Variants in ITGAV observed in about 807,000 individuals in gnomAD.
ITGAV encodes the protein integrin subunit alpha V, also known as integrin alpha-V.
Under a neutral mutation model 143.8 loss-of-function variants are expected in ITGAV, and 76 were observed. The observed-to-expected ratio is 0.53, with a 90% CI of 0.44 to 0.64. The LOEUF is 0.64. Ranked by LOEUF, ITGAV falls within the 30% of genes least tolerant of loss-of-function variation. The pLI is 0.00. For missense variants in ITGAV, 1,193 were observed against 1,274.7 expected (o/e 0.94, Z 0.98); for synonymous variants, 453 against 446.7 (o/e 1.01, Z -0.18).
chr2:186,616,320 C>A (rs1273975614), intron 2 of ITGAV, among the ~76,000 whole-genome samples: 8 of 147,144 alleles, frequency 5.4e-5, no homozygotes, highest in African/African-American at 2.0e-4. Flanking sequence ...GCTCTGTCGC[C>A]CAGGCTGGAG....
intron 2 of ITGAV, among the ~76,000 whole-genome samples, chr2:186,612,326 G>A (rs1016851962): frequency 5.9e-5 from 9 of 151,738 alleles, no homozygotes; most frequent in South Asian, 2.1e-4. Flanking sequence ...ACTGCCCTAC[G>A]AAAGTCTCTT....
In ITGAV at chr2:186,659,153, C is replaced by T. The variant is rs150474737; in HGVS notation, c.1835C>T (p.Thr612Met). Reference protein sequence around the residue: ...TGLQPILNQFTPANISRQAHI... With the variant: ...TGLQPILNQFMPANISRQAHI... Reference sequence around the variant, plus strand: ...TTGCAACCCATTCTTAACCAGTTCACGCCTGCTAACATTAGTCGACAGGTA... The same window carrying T: ...TTGCAACCCATTCTTAACCAGTTCATGCCTGCTAACATTAGTCGACAGGTA... Residue 612 changes from threonine to methionine, a missense_variant, in exon 18 of 30, where the codon ACG (threonine) becomes ATG (methionine). Thr to Met is a moderately conservative substitution (Grantham distance 81, BLOSUM62 -1). Transcript: ENST00000261023. 168 of 1,609,000 alleles carry T rather than the reference C, an allele frequency of 1.0e-4. No individual in the cohort carries two copies. Among genetic ancestry groups the T allele is most frequent in the Middle Eastern group, 5.0e-4 (3 of 6,048 alleles).
At chr2:186,595,466 C>G (rs1686725334) in intron 1 of ITGAV, among the ~76,000 whole-genome samples, 2 of 152,160 alleles carry the variant, frequency 1.3e-5, no homozygotes, top group South Asian at 4.1e-4. Flanking sequence ...CTCTCACTGC[C>G]TCCTCTGATA....
At chr2:186,602,482 A>G (rs1686938438) in intron 2 of ITGAV, among the ~76,000 whole-genome samples, 1 of 152,182 alleles carries the variant, frequency 6.6e-6, no homozygotes, top group African/African-American at 2.4e-5. Flanking sequence ...ACAGAAAGGC[A>G]TTCTGCTGCT....
rs1689017079 is a variant in ITGAV, at chr2:186,669,885, A to G, written c.2706+71A>G. Reference sequence around the variant, plus strand: ...GTGACTATAGAACTGACGCCAAAGAACATTTCAAAAATAACAACAGCTGTG... The same window carrying G: ...GTGACTATAGAACTGACGCCAAAGAGCATTTCAAAAATAACAACAGCTGTG... On this transcript the variant is annotated intron_variant, in intron 26 of 29. Coordinates refer to ENST00000261023, the MANE Select transcript of ITGAV (RefSeq NM_002210.5). The G allele has an allele frequency of 3.0e-6, 3 of 995,162 alleles. 1 individual carries two copies. Among genetic ancestry groups the G allele is most frequent in the Non-Finnish European group, 1.6e-6 (1 of 642,190 alleles). The allele number at this position is 995,162 out of a possible 1,614,324, so 61.6% of individuals were successfully genotyped here.
At chr2:186,621,644 G>A (rs1377703428) in intron 2 of ITGAV, among the ~76,000 whole-genome samples, 1 of 152,088 alleles carries the variant, frequency 6.6e-6, no homozygotes, top group African/African-American at 2.4e-5. Context: ...TGTCTTTCAT[G>A]ATATTGACAA....
chr2:186,676,935 G>A lies in ITGAV; in HGVS notation c.3051G>A (p.Arg1017=). ...CTGTTTTGGTATTTGTAATGTACAG[G>A]GTAAGTAACGGACTTAGAAAGAAGG... ...LLAVLVFVMY[R]MGFFKRVRPP... is the part of the protein sequence containing the mutation. Residue 1017 remains arginine (R), a splice_region_variant and synonymous_variant, in exon 29 of 30, where the codon AGG becomes AGA. Transcript: ENST00000261023. 1 of 1,613,016 alleles carries A rather than the reference G, an allele frequency of 6.2e-7. No individual in the cohort carries two copies. The highest frequency in any genetic ancestry group is 8.5e-7 in the Non-Finnish European group (1 of 1,179,626).
At chr2:186,639,398 A>G (rs1466925467) in intron 10 of ITGAV, among the ~76,000 whole-genome samples, 3 of 152,146 alleles carry the variant, frequency 2.0e-5, no homozygotes, top group Non-Finnish European at 2.9e-5. Context: ...TCCCATTTGT[A>G]TGGCAGTCAA....
At chr2:186,600,298 TCCCCACC>T in intron 1 of ITGAV, 1 of 1,528,434 alleles carries the variant, frequency 6.5e-7, no homozygotes, top group Non-Finnish European at 8.9e-7. Context: ...ACTTCCCTCA[TCCCCACC>T]CCCCACTCCC....
chr2:186,653,344 T>A (rs1454943926), intron 15 of ITGAV, among the ~76,000 whole-genome samples: 1 of 152,170 alleles, frequency 6.6e-6, no homozygotes, highest in Non-Finnish European at 1.5e-5. Flanking sequence ...ACCCATATAC[T>A]ACCAAAATCA....
intron 1 of ITGAV, among the ~76,000 whole-genome samples, chr2:186,594,441 G>A (rs1285811604): frequency 6.6e-6 from 1 of 152,008 alleles, no homozygotes; most frequent in African/African-American, 2.4e-5. Context: ...CCTTTTTAAG[G>A]TTTTCTTGAT....
intron 14 of ITGAV, 120 bp from the exon 15 acceptor site, chr2:186,651,862 C>T: frequency 6.8e-6 from 4 of 590,158 alleles, no homozygotes; most frequent in South Asian, 4.6e-5. Context: ...TTTACTATTA[C>T]AAACAATGCT....
chr2:186,660,250 A>G (rs556686572), intron 18 of ITGAV, among the ~76,000 whole-genome samples: 1 of 152,294 alleles, frequency 6.6e-6, no homozygotes, highest in South Asian at 2.1e-4. Flanking sequence ...TGCCAATACC[A>G]TGTTAAAACC....
chr2:186,629,697 C>T (rs962220777), intron 4 of ITGAV, among the ~76,000 whole-genome samples: 1 of 151,932 alleles, frequency 6.6e-6, no homozygotes, highest in African/African-American at 2.4e-5. Flanking sequence ...GAAGTTTGTC[C>T]TTGTGACTGA....
chr2:186,652,574 A>C (rs1305987889), intron 15 of ITGAV, among the ~76,000 whole-genome samples: 2 of 152,228 alleles, frequency 1.3e-5, no homozygotes, highest in Non-Finnish European at 2.9e-5. Flanking sequence ...AAGATACTCT[A>C]TAAATTAGTA....
chr2:186,597,056 A>C (rs944055657), intron 1 of ITGAV, among the ~76,000 whole-genome samples: 2 of 152,190 alleles, frequency 1.3e-5, no homozygotes, highest in African/African-American at 4.8e-5. Flanking sequence ...CTTAATGAAC[A>C]TCCATTTGTA....
intron 2 of ITGAV, among the ~76,000 whole-genome samples, chr2:186,613,404 G>A (rs1463016598): frequency 1.3e-5 from 2 of 152,050 alleles, no homozygotes; most frequent in Non-Finnish European, 2.9e-5. Context: ...ACCAATCCCA[G>A]TGAAATGAGC....
intron 1 of ITGAV, among the ~76,000 whole-genome samples, chr2:186,594,211 C>T (rs1246906232): frequency 1.3e-5 from 2 of 152,170 alleles, no homozygotes; most frequent in East Asian, 3.8e-4. Flanking sequence ...AATCATTTCT[C>T]GTTGACTAGC....
intron 11 of ITGAV, 90 bp downstream of exon 11, chr2:186,641,057 G>T: frequency 3.0e-6 from 3 of 1,004,254 alleles, no homozygotes; most frequent in Non-Finnish European, 3.0e-6. Context: ...TTCTGTTTTT[G>T]TATTCCTTTT....
Sources: gnomAD v4.1 joint callset for allele counts (sites outside exome capture counted in the v4.1 genomes callset) on GRCh38, gnomAD v4.1.1 for gene constraint, MANE v1.5 for transcripts, NCBI Gene and HGNC (gene_info 2026-07-23, HGNC 2026-07-21) for gene names.